PRR16: variants seen among roughly 807,000 people sequenced by gnomAD.
The protein encoded by PRR16 is proline rich 16.
Under a neutral mutation model 18.2 loss-of-function variants are expected in PRR16, and 6 were observed. The observed-to-expected ratio is 0.33, with a 90% CI of 0.18 to 0.65. The LOEUF (loss-of-function observed/expected upper bound fraction) is 0.65, where lower values mean the gene tolerates loss of function less well. Among genes scored for constraint, PRR16 ranks in the 30% least tolerant of loss-of-function variants. PRR16 has a pLI of 0.74. For synonymous variants in PRR16, 151 were observed against 147.8 expected (o/e 1.02, Z -0.16); for missense variants, 412 against 376.6 (o/e 1.09, Z -0.78).
the PRR16 span, among the ~76,000 whole-genome samples, chr5:120,754,137 T>TAATATATAATAAATA: frequency 4.0e-5 from 4 of 100,436 alleles, 1 homozygote; most frequent in Non-Finnish European, 7.4e-5. Context: ...ATATTCCGCT[T>TAATATATAATAAATA]AATATATAAT....
At chr5:120,643,372 G>T (rs1002441626) in intron 1 of PRR16, among the ~76,000 whole-genome samples, 2 of 151,960 alleles carry the variant, frequency 1.3e-5, no homozygotes, top group Non-Finnish European at 2.9e-5. Context: ...TTTGAGACCT[G>T]GTAGTCAGTA....
intron 1 of PRR16, among the ~76,000 whole-genome samples, chr5:120,674,232 A>T (rs914025727): frequency 6.6e-6 from 1 of 152,060 alleles, no homozygotes; most frequent in Non-Finnish European, 1.5e-5. Flanking sequence ...ATGCCGCTGT[A>T]TATGCTGTTG....
At chr5:120,709,558 A>G in the PRR16 span, among the ~76,000 whole-genome samples, 1 of 152,070 alleles carries the variant, frequency 6.6e-6, no homozygotes, top group South Asian at 2.1e-4. Flanking sequence ...GTCTTCTCTT[A>G]GTCTACCAAA....
chr5:120,768,255 A>G, the PRR16 span, among the ~76,000 whole-genome samples: 1 of 151,966 alleles, frequency 6.6e-6, no homozygotes, highest in Non-Finnish European at 1.5e-5. Context: ...ATAGGTCTTT[A>G]TAAAATGCAC....
At chr5:120,618,649 A>C (rs976992374) in intron 1 of PRR16, 14 of 693,056 alleles carry the variant, frequency 2.0e-5, no homozygotes, top group Non-Finnish European at 2.5e-5. Context: ...TGATTATCTC[A>C]GGATAAAGAG....
chr5:120,484,679 A>G (rs1041025128), intron 1 of PRR16, among the ~76,000 whole-genome samples: 2 of 147,780 alleles, frequency 1.4e-5, no homozygotes, highest in Admixed American at 6.8e-5. Flanking sequence ...TATTCCTAAA[A>G]ACTGGAACCT....
At chr5:120,723,334 C>G in the PRR16 span, among the ~76,000 whole-genome samples, 1 of 151,822 alleles carries the variant, frequency 6.6e-6, no homozygotes, top group Non-Finnish European at 1.5e-5. Flanking sequence ...TTCAATTGTG[C>G]TTTTATAAAA....
intron 1 of PRR16, among the ~76,000 whole-genome samples, chr5:120,669,092 G>A (rs1029996764): frequency 9.2e-5 from 14 of 152,120 alleles, no homozygotes; most frequent in Non-Finnish European, 1.8e-4. Flanking sequence ...TGGTGACTGC[G>A]TGTAATGACA....
chr5:120,592,261 C>T (rs977524656), intron 1 of PRR16, among the ~76,000 whole-genome samples: 16 of 152,188 alleles, frequency 1.1e-4, no homozygotes, highest in East Asian at 3.9e-4. Flanking sequence ...TTAAAATACT[C>T]GACTTATTAA....
the PRR16 span, among the ~76,000 whole-genome samples, chr5:120,789,112 A>T: frequency 6.6e-6 from 1 of 152,098 alleles, no homozygotes; most frequent in Non-Finnish European, 1.5e-5. Flanking sequence ...AAGATTAAAA[A>T]AATACACTTA....
intron 1 of PRR16, among the ~76,000 whole-genome samples, chr5:120,667,877 A>C (rs959252347): frequency 2.0e-5 from 3 of 152,052 alleles, no homozygotes; most frequent in Non-Finnish European, 4.4e-5. Context: ...ACTTCCAACT[A>C]TGTGTCAGTT....
At chr5:120,729,253 G>A in the PRR16 span, among the ~76,000 whole-genome samples, 1 of 152,004 alleles carries the variant, frequency 6.6e-6, no homozygotes, top group African/African-American at 2.4e-5. Context: ...AAACATGGAT[G>A]GTTTCTAAAA....
chr5:120,589,071 A>C (rs1406079520), intron 1 of PRR16, among the ~76,000 whole-genome samples: 1 of 152,120 alleles, frequency 6.6e-6, no homozygotes, highest in Admixed American at 6.6e-5. Context: ...TCTATAAAGT[A>C]GAGATGATAA....
the PRR16 span, among the ~76,000 whole-genome samples, chr5:120,740,255 G>A: frequency 6.6e-6 from 1 of 152,130 alleles, no homozygotes; most frequent in African/African-American, 2.4e-5. Context: ...TCATGCAGCT[G>A]TATGGTGTCT....
intron 1 of PRR16, among the ~76,000 whole-genome samples, chr5:120,557,755 A>G (rs533464372): frequency 1.3e-4 from 20 of 152,062 alleles, no homozygotes; most frequent in African/African-American, 4.3e-4. Context: ...AAAAAGCAAT[A>G]TGAACCATAT....
intron 1 of PRR16, among the ~76,000 whole-genome samples, chr5:120,540,110 A>G (rs1237712869): frequency 6.6e-6 from 1 of 152,186 alleles, no homozygotes; most frequent in Non-Finnish European, 1.5e-5. Context: ...GGTTCATTAG[A>G]AGAAAAGACA....
intron 1 of PRR16, among the ~76,000 whole-genome samples, chr5:120,472,589 T>C (rs1474791816): frequency 1.3e-5 from 2 of 152,198 alleles, no homozygotes; most frequent in African/African-American, 4.8e-5. Context: ...AAGTGGTTGA[T>C]TGCCATTTTA....
intron 1 of PRR16, among the ~76,000 whole-genome samples, chr5:120,547,803 A>G (rs1346405430): frequency 6.6e-6 from 1 of 151,790 alleles, no homozygotes; most frequent in African/African-American, 2.4e-5. Context: ...ATATGGATAT[A>G]ATATATACTT....
At chr5:120,785,665 C>T in the PRR16 span, among the ~76,000 whole-genome samples, 1 of 148,746 alleles carries the variant, frequency 6.7e-6, no homozygotes, top group African/African-American at 2.5e-5. Context: ...CTCCTCCTTC[C>T]AGGTTCAAGC....
Sources: gnomAD v4.1 joint callset for allele counts (sites outside exome capture counted in the v4.1 genomes callset) on GRCh38, gnomAD v4.1.1 for gene constraint, MANE v1.5 for transcripts, NCBI Gene and HGNC (gene_info 2026-07-23, HGNC 2026-07-21) for gene names.